Variants in BIRC6 observed in about 807,000 individuals in gnomAD.
BIRC6 encodes dual E2 ubiquitin-conjugating enzyme/E3 ubiquitin-protein ligase BIRC6.
Under a neutral mutation model 503.3 loss-of-function variants are expected in BIRC6, and 98 were observed. The ratio of observed to expected loss-of-function variants is 0.19; its 90% CI spans 0.17 to 0.23. The LOEUF is 0.23. BIRC6 is among the 10% of genes least tolerant of loss of function. The pLI is 1.00. For synonymous variants in BIRC6, 2,240 were observed against 2,078.7 expected (o/e 1.08, Z -2.11); for missense variants, 5,360 against 5,806.0 (o/e 0.92, Z 2.50).
chr2:32,511,432 C>T (rs2054423154), intron 53 of BIRC6, among the ~76,000 whole-genome samples: 2 of 148,752 alleles, frequency 1.3e-5, no homozygotes, highest in South Asian at 4.2e-4. Context: ...GCCTCAGCCT[C>T]CTGAGTAGCT....
chr2:32,420,492 A>C (rs1413839598), intron 10 of BIRC6, among the ~76,000 whole-genome samples: 1 of 152,028 alleles, frequency 6.6e-6, no homozygotes, highest in African/African-American at 2.4e-5. Flanking sequence ...GAATTTCATA[A>C]TATTCCCCAC....
chr2:32,470,351 A>AT (rs1418078973), intron 31 of BIRC6, 50 bp downstream of exon 31: 7 of 1,416,044 alleles, frequency 4.9e-6, no homozygotes, highest in Middle Eastern at 1.8e-4. Context: ...TCCTGCAAAT[A>AT]TTTCTTTTAT....
chr2:32,467,500 C>G, intron 26 of BIRC6, 25 bp from the exon 27 acceptor site: 1 of 1,593,026 alleles, frequency 6.3e-7, no homozygotes, highest in South Asian at 1.1e-5. Context: ...TATTTTTGGT[C>G]AACTGTTTCT....
intron 34 of BIRC6, 125 bp from the exon 35 acceptor site, chr2:32,477,243 G>C: frequency 1.3e-6 from 1 of 770,702 alleles, no homozygotes; most frequent in Non-Finnish European, 2.0e-6. Flanking sequence ...AACTTACAGT[G>C]TATCTAAAAA....
chr2:32,513,538 G>A (rs780392777), intron 54 of BIRC6, among the ~76,000 whole-genome samples: 1 of 152,142 alleles, frequency 6.6e-6, no homozygotes, highest in Non-Finnish European at 1.5e-5. Flanking sequence ...CACTTTGGAG[G>A]CCGAGGTGGG....
rs755883637 is a variant in BIRC6, at chr2:32,525,002, GTGT to G, written c.11747_11749del (p.Val3916del). 7.0e-6 allele frequency: 11 copies of G among 1,562,946 alleles called. No individual in the cohort carries two copies. Among genetic ancestry groups the G allele is most frequent in the East Asian group, 4.6e-5 (2 of 43,132 alleles). On this transcript the variant is annotated inframe_deletion, in exon 58 of 74. Transcript: ENST00000421745. ...GAAAATGGATTTCAAGACAATTACA[GTGT>G]TGTTGTTGCCTCTGGTATGCTTTCT...
rs1427574066 is a variant in BIRC6, at chr2:32,357,970, C to T, written c.325+484C>T. On this transcript the variant is annotated intron_variant, in intron 1 of 73. Coordinates refer to ENST00000421745, the MANE Select transcript of BIRC6 (RefSeq NM_016252.4). This position sits in a 1 kb window ranked among gnomAD's most constrained non-coding sequence, Gnocchi z 4.9. ...CCCTTGTGGGAGAGGAGCCGGCAGT[C>T]TGCTGTTCTCAGGTCCCGCAGTGCG... 1.8e-5 allele frequency among the ~76,000 whole-genome samples: 2 copies of T among 112,556 alleles called. No individual in the cohort carries two copies. Among genetic ancestry groups the T allele is most frequent in the Admixed American group, 9.8e-5 (1 of 10,228 alleles). The allele number at this position is 112,556 out of a possible 152,430, so 73.8% of individuals were successfully genotyped here. A position where few individuals can be genotyped will look rare whatever the true frequency, so the allele number is the denominator to read the frequency against.
At chr2:32,516,589 A>G (rs1363958053) in intron 55 of BIRC6, among the ~76,000 whole-genome samples, 5 of 92,918 alleles carry the variant, frequency 5.4e-5, no homozygotes, top group Non-Finnish European at 1.1e-4. Flanking sequence ...GTGAGACTCC[A>G]TCTCAAAAAA....
chr2:32,403,893 A>G (rs1308778716), intron 8 of BIRC6, among the ~76,000 whole-genome samples: 1 of 150,634 alleles, frequency 6.6e-6, no homozygotes, highest in East Asian at 1.9e-4. Flanking sequence ...GGTAACATTT[A>G]TATGTATTCT....
chr2:32,468,448 C>T lies in BIRC6; in HGVS notation c.5792C>T (p.Ala1931Val). 1 of 1,575,392 alleles carries T rather than the reference C, an allele frequency of 6.3e-7. No individual in the cohort carries two copies. Among genetic ancestry groups the T allele is most frequent in the Non-Finnish European group, 8.6e-7 (1 of 1,160,930 alleles). The change falls in exon 29 of 74, where the codon GCT becomes GTT. Residue 1931 changes from alanine to valine, a missense_variant. This residue lies in a region of BIRC6 where 2,299 missense variants were observed against 2,267.2 expected (regional missense o/e 1.01). Coordinates refer to ENST00000421745, the MANE Select transcript of BIRC6 (RefSeq NM_016252.4). ...QEDIQCRYNL[A>V]CHRLETLLQS... ...TTTTTTTACTTTAGGTATAACTTGG[C>T]TTGTCATCGTCTGGAAACCCTTTTG...
rs200578652 is a variant in BIRC6 at position 32,578,803 on chromosome 2, A to AATACATAC, written c.13355+3462_13355+3469dup. ...AACAGAGGGAAACTCTGTCTCAAAA[A>AATACATAC]ATACATACATACATACATACATACA... On this transcript the variant is annotated intron_variant, in intron 66 of 73. Coordinates refer to ENST00000421745, the MANE Select transcript of BIRC6 (RefSeq NM_016252.4). 1.4e-4 allele frequency among the ~76,000 whole-genome samples: 20 copies of AATACATAC among 140,784 alleles called. No homozygotes were observed. The South Asian group carries it at 3.7e-3, about 26-fold the overall frequency. The allele number at this position is 140,784 out of a possible 152,430, so 92.4% of individuals were successfully genotyped here. A position where few individuals can be genotyped will look rare whatever the true frequency, so the allele number is the denominator to read the frequency against.
chr2:32,494,874 G>A (rs1033229651), intron 45 of BIRC6, among the ~76,000 whole-genome samples: 5 of 152,134 alleles, frequency 3.3e-5, no homozygotes, highest in Non-Finnish European at 7.3e-5. Context: ...TCCTGATTGT[G>A]CCACTGCACT....
At chr2:32,417,100 G>A (rs1314069819) in intron 10 of BIRC6, among the ~76,000 whole-genome samples, 3 of 152,048 alleles carry the variant, frequency 2.0e-5, no homozygotes, top group East Asian at 3.9e-4. Flanking sequence ...GCCTCCCAAA[G>A]TTCTGGGATT....
Position 32,611,450 on chromosome 2 carries a change from A to G in BIRC6, c.14262A>G (p.Val4754=). The change falls in exon 73 of 74, where the codon GTA becomes GTG. Residue 4754 remains valine (V), a splice_region_variant and synonymous_variant. Coordinates refer to ENST00000421745, the MANE Select transcript of BIRC6 (RefSeq NM_016252.4). The part of the protein sequence containing the change: ...IRNPSPCFKE[V]IHKHFYLKRV... ...TCTCCTGTTTACTTTTTCTCAAGGTAATACACAAACATTTTTACTTGAAAA... is the reference window on the plus strand; with the variant it reads ...TCTCCTGTTTACTTTTTCTCAAGGTGATACACAAACATTTTTACTTGAAAA... 1 of 1,606,322 alleles carries G rather than the reference A, an allele frequency of 6.2e-7. No individual in the cohort carries two copies. The highest frequency in any genetic ancestry group is 8.5e-7 in the Non-Finnish European group (1 of 1,175,470).
rs761066978 is a variant in BIRC6 at position 32,467,730 on chromosome 2, A to G, written c.5562A>G (p.Arg1854=). Residue 1854 remains arginine (R), a synonymous_variant, in exon 27 of 74, where the codon AGA becomes AGG. Transcript: ENST00000421745. Reference sequence around the variant, plus strand: ...ACTTAATACCACCTCCCGTGTGCAGATTCATGAAGGTAAAGAACTTTAAGA... The same window carrying G: ...ACTTAATACCACCTCCCGTGTGCAGGTTCATGAAGGTAAAGAACTTTAAGA... ...LHDLIPPPVC[R]FMKITVIGRY... is the part of the protein sequence containing the mutation. 6.2e-7 allele frequency: 1 copy of G among 1,612,578 alleles called. No homozygotes were observed. The highest frequency in any genetic ancestry group is 1.7e-5 in the Admixed American group (1 of 59,846).
At chr2:32,617,396 G>A (rs891017524) in intron 73 of BIRC6, among the ~76,000 whole-genome samples, 5 of 151,680 alleles carry the variant, frequency 3.3e-5, no homozygotes, top group Admixed American at 6.6e-5. Context: ...GCGAGACTCC[G>A]TCTCAAAAAA....
At chr2:32,446,751 T>G (rs1013250850) in intron 21 of BIRC6, among the ~76,000 whole-genome samples, 8 of 132,802 alleles carry the variant, frequency 6.0e-5, no homozygotes, top group East Asian at 4.5e-4. Flanking sequence ...TTTTTTTTTT[T>G]TTTTTTTTTT....
chr2:32,609,185 C>T (rs767142861), intron 72 of BIRC6, among the ~76,000 whole-genome samples: 12 of 151,960 alleles, frequency 7.9e-5, no homozygotes, highest in African/African-American at 1.2e-4. Flanking sequence ...CGCCTGGCCA[C>T]GTTTCCTTTT....
chr2:32,438,809 C>T (rs567840428), intron 15 of BIRC6, among the ~76,000 whole-genome samples: 2 of 152,202 alleles, frequency 1.3e-5, no homozygotes, highest in African/African-American at 2.4e-5. Flanking sequence ...ATCTGCCTGC[C>T]TCACCCTCCC....
Sources: gnomAD v4.1 joint callset for allele counts (sites outside exome capture counted in the v4.1 genomes callset) on GRCh38, gnomAD v4.1.1 for gene constraint, gnomAD v4.1.1 regional missense constraint, Gnocchi (gnomAD v3.1) non-coding constraint, MANE v1.5 for transcripts, NCBI Gene and HGNC (gene_info 2026-07-23, HGNC 2026-07-21) for gene names.